The following ARRDC2 variants were observed in gnomAD, a reference collection of about 807,000 sequenced individuals.
ARRDC2 encodes the protein arrestin domain-containing protein 2.
A neutral mutation model predicts 38.9 loss-of-function variants in ARRDC2; 39 were observed. The observed-to-expected ratio is 1.00, with a 90% CI of 0.78 to 1.31. The LOEUF (loss-of-function observed/expected upper bound fraction) is 1.31, where lower values mean the gene tolerates loss of function less well. Ranked by LOEUF, ARRDC2 falls within the 50% of genes most tolerant of loss-of-function variation. The probability of loss-of-function intolerance (pLI) is 0.00; values close to 1 mark genes in which losing one functional copy is unlikely to be tolerated. For missense variants in ARRDC2, 553 were observed against 588.4 expected, an observed-to-expected ratio of 0.94 and a Z score of 0.62; for synonymous variants, 300 against 261.9, an observed-to-expected ratio of 1.15 and a Z score of -1.41.
At chr19:18,011,757 G>A (rs186337847) in intron 7 of ARRDC2, among the ~76,000 whole-genome samples, 139 of 151,620 alleles carry the variant, frequency 9.2e-4, no homozygotes, top group Non-Finnish European at 1.8e-3. Context: ...TGATTGGGAG[G>A]CTGAGGCAGG....
At chr19:18,001,282 C>A (rs1350535379) in exon 1 of ARRDC2, 1 of 1,189,232 alleles carries the variant, frequency 8.4e-7, no homozygotes, top group East Asian at 3.6e-5. Context: ...GCCTTCTCTC[C>A]GCGTGTCCAA....
rs1014979997 is a variant in ARRDC2, at chr19:18,013,956, G to A, written c.*990G>A. The A allele has an allele frequency of 1.3e-5, 2 of 152,142 alleles. No homozygotes were observed. Among genetic ancestry groups the A allele is most frequent in the African/African-American group, 4.8e-5 (2 of 41,402 alleles). 9.4% of individuals were successfully genotyped at this position (152,142 alleles called of 1,614,324 possible). A position where few individuals can be genotyped will look rare whatever the true frequency, so the allele number is the denominator to read the frequency against. ...TGTCCTGGAGGAGAAAAGCATTAGA[G>A]GGGGCAGCTGGACAAGCTCCCAACT... is the stretch of plus-strand genomic sequence containing the variant. On this transcript the variant is annotated 3_prime_UTR_variant, in exon 8 of 8. Transcript: ENST00000222250.
chr19:18,010,834 A>G (rs181824509), intron 7 of ARRDC2, 105 bp downstream of exon 7: 308 of 1,272,214 alleles, frequency 2.4e-4, no homozygotes, highest in African/African-American at 1.2e-3. Flanking sequence ...TTGTTTTTTT[A>G]GACAGGGTCT....
upstream of ARRDC2, among the ~76,000 whole-genome samples, chr19:18,003,628 TTTTGTTTG>T (rs377673678): frequency 9.3e-3 from 1,380 of 148,832 alleles, 10 homozygotes; most frequent in Non-Finnish European, 0.016. Context: ...GCTGGCTAAT[TTTTGTTTG>T]TTTGTTTGTT....
upstream of ARRDC2, among the ~76,000 whole-genome samples, chr19:18,005,029 AATTG>A (rs199888493): frequency 0.055 from 8,230 of 150,740 alleles, 290 homozygotes; most frequent in African/African-American, 0.079. Flanking sequence ...TTTTTTTTTT[AATTG>A]ATCATTCTTG....
At chr19:18,004,864 G>T (rs1398690728), upstream of ARRDC2, among the ~76,000 whole-genome samples, 1 of 151,290 alleles carries the variant, frequency 6.6e-6, no homozygotes, top group Non-Finnish European at 1.5e-5. Flanking sequence ...GCGGGGCATG[G>T]TGGTACACAC....
At chr19:18,008,116 A>ACGCCCCC, upstream of ARRDC2, 50 of 522,494 alleles carry the variant, frequency 9.6e-5, no homozygotes, top group Non-Finnish European at 1.3e-4. Flanking sequence ...AGAGACGGTG[A>ACGCCCCC]CCCCACCCCC....
At chr19:18,006,600 G>C (rs958777379), upstream of ARRDC2, among the ~76,000 whole-genome samples, 1 of 151,634 alleles carries the variant, frequency 6.6e-6, no homozygotes, top group Non-Finnish European at 1.5e-5. Context: ...GCATGAGAGG[G>C]AGACCGTGGA....
At chr19:18,010,430 TCAC>T in intron 6 of ARRDC2, 72 bp downstream of exon 6, 1 of 1,563,148 alleles carries the variant, frequency 6.4e-7, no homozygotes, top group Non-Finnish European at 8.7e-7. Context: ...GTCAACTCTC[TCAC>T]CACGAGTCCC....
upstream of ARRDC2, among the ~76,000 whole-genome samples, chr19:18,005,737 C>T (rs1474519311): frequency 2.6e-5 from 4 of 152,040 alleles, no homozygotes; most frequent in South Asian, 8.3e-4. Context: ...CCGCCTCCCT[C>T]CCAGACGGGG....
At position 18,008,604 on chromosome 19, in the gene ARRDC2, G is replaced by A. The variant is rs1215691902; in HGVS notation, c.274+20G>A. 6.3e-7 allele frequency: 1 copy of A among 1,595,228 alleles called. No individual in the cohort carries two copies. The highest frequency in any genetic ancestry group is 1.1e-5 in the South Asian group (1 of 90,706). On this transcript the variant is annotated intron_variant, in intron 1 of 7. Coordinates refer to ENST00000222250, the MANE Select transcript of ARRDC2 (RefSeq NM_015683.2). ...CGCCAGGTACGGATGGAGGACCCCT[G>A]CTCCAACACCAGTTGTGTGCCTCCC...
chr19:18,009,827 C>A lies in ARRDC2; in HGVS notation c.637C>A (p.Arg213Ser), dbSNP rs768254934. Reference sequence around the variant, plus strand: ...TGCCGAGATCGACAACGGCTCCACACGTCCTGTGCTGCCTCGGGCAGCCGT... The same window carrying A: ...TGCCGAGATCGACAACGGCTCCACAAGTCCTGTGCTGCCTCGGGCAGCCGT... ...VFAEIDNGST[R>S]PVLPRAAVVQ... Residue 213 changes from arginine (R) to serine (S), a missense_variant, in exon 5 of 8, where the codon CGT becomes AGT. Physicochemically the swap from Arg to Ser is moderately radical, Grantham distance 110. This residue lies in a region of ARRDC2 where 447 missense variants were observed against 456.6 expected (regional missense o/e 0.98). Transcript: ENST00000222250. 2 of 1,612,528 alleles carry A rather than the reference C, an allele frequency of 1.2e-6. No homozygotes were observed. Among genetic ancestry groups the A allele is most frequent in the Middle Eastern group, 1.7e-4 (1 of 6,056 alleles).
chr19:18,004,941 C>A (rs1259483129), upstream of ARRDC2, among the ~76,000 whole-genome samples: 1 of 149,584 alleles, frequency 6.7e-6, no homozygotes, highest in Admixed American at 6.6e-5. Context: ...ACCTAGATCG[C>A]GCCACTGCAC....
upstream of ARRDC2, chr19:18,008,139 GTA>G: frequency 3.3e-6 from 1 of 299,854 alleles, no homozygotes; most frequent in Non-Finnish European, 5.2e-6. Flanking sequence ...CCGCCCTGCC[GTA>G]TAAAAGCGGC....
chr19:18,006,593 TGAGAGGGAGACCGTGGAAAGAGAGG>T (rs1170700175), upstream of ARRDC2, among the ~76,000 whole-genome samples: 280 of 151,958 alleles, frequency 1.8e-3, 1 homozygote, highest in African/African-American at 6.6e-3. Context: ...CTGCTCGGCA[TGAGAGGGAGACCGTGGAAAGAGAGG>T]GAGAGGGAGA....
upstream of ARRDC2, chr19:18,008,116 A>AGGGGCCCCCC: frequency 5.7e-6 from 3 of 522,500 alleles, no homozygotes; most frequent in Non-Finnish European, 8.7e-6. Flanking sequence ...AGAGACGGTG[A>AGGGGCCCCCC]CCCCACCCCC....
Position 18,010,278 on chromosome 19 carries a change from G to T in ARRDC2, c.932G>T (p.Gly311Val). 1 of 1,613,712 alleles carries T rather than the reference G, an allele frequency of 6.2e-7. No individual in the cohort carries two copies. Among genetic ancestry groups the T allele is most frequent in the Non-Finnish European group, 8.5e-7 (1 of 1,180,020 alleles). The change falls in exon 6 of 8, where the codon GGC (glycine) becomes GTC (valine). Residue 311 changes from glycine to valine, a missense_variant. Transcript: ENST00000222250. ...VIGTIPLHPF[G>V]SRSSSVGSHA... ...GGCACCATTCCCTTGCACCCTTTTG[G>T]CAGCCGTTCCTCCAGCGTGGGCAGC...
In ARRDC2 at chr19:18,009,952, G is replaced by A. The variant is rs371176542; in HGVS notation, c.762G>A (p.Ala254=). 20 of 1,604,618 alleles carry A rather than the reference G, an allele frequency of 1.2e-5. No individual in the cohort carries two copies. The highest frequency in any genetic ancestry group is 1.7e-5 in the Admixed American group (1 of 59,590). Residue 254 remains alanine (A), a synonymous_variant, in exon 5 of 8, where the codon GCG becomes GCA. Coordinates refer to ENST00000222250, the MANE Select transcript of ARRDC2 (RefSeq NM_015683.2). The part of the protein sequence containing the change: ...AGEPVGPGQR[A]LWQGRALRIP... The stretch of plus-strand genomic sequence containing the variant: ...AGCCGGTGGGCCCCGGGCAGCGGGC[G>A]CTGTGGCAGGGCCGGGCACTGCGGA...
rs541852502 is a variant in ARRDC2 at position 18,002,669 on chromosome 19, G to A, written c.259+1096G>A. On this transcript the variant is annotated intron_variant, in intron 1 of 7. Coordinates refer to the ARRDC2 transcript ENST00000379656. ...TGCGGGGGACCCTTCCCTCCCCAGC[G>A]GTGGAAACAGAAGCAAGTGCGGTGG... Among the ~76,000 whole-genome samples the A allele has an allele frequency of 3.9e-5, 6 of 152,314 alleles. No homozygotes were observed. The East Asian group carries it at 1.2e-3, about 29-fold the overall frequency.
Sources: allele counts gnomAD v4.1 joint callset (sites outside exome capture counted in the v4.1 genomes callset), GRCh38; gene constraint gnomAD v4.1.1; regional missense constraint gnomAD v4.1.1; transcripts MANE v1.5; gene names NCBI Gene and HGNC (gene_info 2026-07-23, HGNC 2026-07-21).